The following TRIM55 variants were observed in gnomAD, a reference collection of about 807,000 sequenced individuals.
TRIM55 encodes the protein tripartite motif-containing protein 55.
TRIM55 carries 50 observed loss-of-function variants against 60.9 expected under a neutral mutation model. That is an observed-to-expected ratio of 0.82 (90% CI 0.65 to 1.04). The LOEUF (loss-of-function observed/expected upper bound fraction) is 1.04, where lower values mean the gene tolerates loss of function less well. TRIM55 is among the 50% of genes least tolerant of loss of function. The pLI is 0.00. For synonymous variants in TRIM55, 237 were observed against 238.1 expected (o/e 1.00, Z 0.04); for missense variants, 681 against 666.9 (o/e 1.02, Z -0.23).
chr8:66,170,016 A>G (rs10093091), intron 9 of TRIM55, among the ~76,000 whole-genome samples: 35,122 of 151,500 alleles, frequency 0.23, 8,145 homozygotes, highest in African/African-American at 0.6. Flanking sequence ...TTCTTTAGGA[A>G]CCAAGAAGGT....
intron 9 of TRIM55, among the ~76,000 whole-genome samples, chr8:66,158,578 G>A (rs774211868): frequency 2.6e-5 from 4 of 152,144 alleles, no homozygotes; most frequent in Non-Finnish European, 5.9e-5. Flanking sequence ...ACTACTTAAC[G>A]AATAGATTCA....
At chr8:66,127,704 G>C (rs2357669) in intron 1 of TRIM55, among the ~76,000 whole-genome samples, 9,645 of 151,974 alleles carry the variant, frequency 0.063, 438 homozygotes, top group African/African-American at 0.11. Flanking sequence ...GCATGGTGGC[G>C]GGCACCTATA....
chr8:66,152,777 C>A, intron 8 of TRIM55, 150 bp downstream of exon 8: 1 of 1,130,442 alleles, frequency 8.8e-7, no homozygotes, highest in Non-Finnish European at 1.2e-6. Context: ...GGACAGTCCT[C>A]ATGTCGGGGA....
intron 4 of TRIM55, among the ~76,000 whole-genome samples, chr8:66,141,890 G>T (rs915728374): frequency 3.3e-5 from 5 of 152,186 alleles, no homozygotes; most frequent in Admixed American, 2.6e-4. Context: ...CATTGTCCAT[G>T]CCATTACAAA....
rs61552583 is a variant in TRIM55 at position 66,145,030 on chromosome 8, AT to A, written c.604-4606del. ...CAGTAGCTAGGTGGCCTCTGAGAAC[AT>A]TTTTTTTTCATGGCACATATCTGTT... On this transcript the variant is annotated intron_variant, in intron 4 of 9. Coordinates refer to ENST00000315962, the MANE Select transcript of TRIM55 (RefSeq NM_184085.2). 2.9e-3 allele frequency among the ~76,000 whole-genome samples: 437 copies of A among 151,392 alleles called. 3 individuals are homozygous for A. The highest frequency in any genetic ancestry group is 9.6e-3 in the African/African-American group (395 of 41,260).
chr8:66,143,735 C>T (rs1408366667), intron 4 of TRIM55, among the ~76,000 whole-genome samples: 2 of 152,074 alleles, frequency 1.3e-5, no homozygotes, highest in African/African-American at 4.8e-5. Flanking sequence ...TTCATTATTT[C>T]AATCTATATT....
intron 9 of TRIM55, chr8:66,155,659 A>G: frequency 6.2e-7 from 1 of 1,613,208 alleles, no homozygotes; most frequent in South Asian, 1.1e-5. Context: ...GGCTTTTCTT[A>G]TTCTTCACTA....
chr8:66,174,349 TATTGTTATTATAATAATA>T (rs542974760), intron 9 of TRIM55, 104 bp from the exon 10 acceptor site: 7 of 706,760 alleles, frequency 9.9e-6, no homozygotes, highest in Admixed American at 8.5e-5. Flanking sequence ...CATATAATAA[TATTGTTATTATAATAATA>T]ATTGTTATTA....
At chr8:66,131,495 C>T (rs947545685) in intron 2 of TRIM55, among the ~76,000 whole-genome samples, 1 of 152,170 alleles carries the variant, frequency 6.6e-6, no homozygotes. Flanking sequence ...TAGGACTGAG[C>T]CCTCACATGG....
intron 8 of TRIM55, 129 bp from the exon 9 acceptor site, chr8:66,153,918 C>T (rs1004915065): frequency 1.5e-5 from 13 of 859,726 alleles, no homozygotes; most frequent in Non-Finnish European, 1.7e-5. Context: ...TGAACTAAAA[C>T]GGCCACCAAG....
rs751280130 is a variant in TRIM55, at chr8:66,127,369, C to T, written c.101C>T (p.Thr34Met). The change falls in exon 1 of 10, where the codon ACG (threonine) becomes ATG (methionine). Residue 34 changes from threonine to methionine, a missense_variant. Physicochemically the swap from Thr to Met is moderately conservative, Grantham distance 81. Transcript: ENST00000315962. The part of the protein sequence containing the change: ...LICPICLEMF[T>M]KPVVILPCQH... ...TGTCCCATCTGCTTAGAGATGTTCACGAAACCTGTGGTGATTCTCCCTTGT... is the reference window on the plus strand; with the variant it reads ...TGTCCCATCTGCTTAGAGATGTTCATGAAACCTGTGGTGATTCTCCCTTGT... 19 of 1,613,982 alleles carry T rather than the reference C, an allele frequency of 1.2e-5. No homozygotes were observed. Among genetic ancestry groups the T allele is most frequent in the South Asian group, 9.9e-5 (9 of 91,082 alleles).
At chr8:66,150,280 C>G (rs1810338017) in intron 6 of TRIM55, 41 bp downstream of exon 6, 1 of 1,613,126 alleles carries the variant, frequency 6.2e-7, no homozygotes. Context: ...ATATTTTCAC[C>G]TTTACCCAAG....
At chr8:66,155,322 G>C (rs1810677598) in intron 9 of TRIM55, among the ~76,000 whole-genome samples, 1 of 152,188 alleles carries the variant, frequency 6.6e-6, no homozygotes, top group African/African-American at 2.4e-5. Context: ...CATGCTTTGG[G>C]GTTGGATGTT....
upstream of TRIM55, chr8:66,126,923 C>A (rs780199834): frequency 2.1e-5 from 4 of 194,060 alleles, no homozygotes; most frequent in Non-Finnish European, 4.2e-5. Flanking sequence ...TCAGCTTCGA[C>A]CTCCTTCTCC....
intron 8 of TRIM55, 38 bp from the exon 9 acceptor site, chr8:66,154,009 T>C (rs771108194): frequency 4.2e-5 from 65 of 1,555,018 alleles, no homozygotes; most frequent in Non-Finnish European, 5.2e-5. Context: ...TCTTCTTTTT[T>C]TTTTTCTTTA....
chr8:66,156,026 G>C (rs559850647), intron 9 of TRIM55, among the ~76,000 whole-genome samples: 6 of 152,356 alleles, frequency 3.9e-5, no homozygotes, highest in Admixed American at 1.3e-4. Context: ...GGGGAGGCCA[G>C]TTTCAAGTGT....
chr8:66,113,589 C>T, the TRIM55 span: 2 of 456,186 alleles, frequency 4.4e-6, no homozygotes, highest in African/African-American at 2.0e-5. Context: ...GGCCTCCCAG[C>T]CTGCACGGTA....
intron 2 of TRIM55, among the ~76,000 whole-genome samples, chr8:66,131,714 G>A (rs939015922): frequency 1.3e-5 from 2 of 152,148 alleles, no homozygotes; most frequent in African/African-American, 4.8e-5. Flanking sequence ...AGGACTACTG[G>A]CTCCTGCAGT....
chr8:66,155,352 A>T (rs1343166614), intron 9 of TRIM55, among the ~76,000 whole-genome samples: 3 of 152,248 alleles, frequency 2.0e-5, no homozygotes, highest in African/African-American at 7.2e-5. Context: ...AGATAAAATG[A>T]CAAAAATAAA....
Sources: gnomAD v4.1 joint callset for allele counts (sites outside exome capture counted in the v4.1 genomes callset) on GRCh38, gnomAD v4.1.1 for gene constraint, MANE v1.5 for transcripts, NCBI Gene and HGNC (gene_info 2026-07-23, HGNC 2026-07-21) for gene names.